Variants in AK4 observed in about 807,000 individuals in gnomAD.
AK4 encodes adenylate kinase 4, mitochondrial.
In AK4, 13 loss-of-function variants were observed where a neutral mutation model predicts 24.6. The ratio of observed to expected loss-of-function variants is 0.53; its 90% confidence interval spans 0.34 to 0.84. The LOEUF (loss-of-function observed/expected upper bound fraction) is 0.84. AK4 is among the 40% of genes least tolerant of loss of function. The pLI, the probability that AK4 is intolerant of heterozygous loss-of-function variation, is 0.01. For synonymous variants in AK4, 88 were observed against 107.0 expected, an observed-to-expected ratio of 0.82 and a Z score of 1.10; for missense variants, 192 against 288.2, an observed-to-expected ratio of 0.67 and a Z score of 2.42.
At chr1:65,206,241 T>G (rs1651809295) in intron 2 of AK4, among the ~76,000 whole-genome samples, 1 of 152,224 alleles carries the variant, frequency 6.6e-6, no homozygotes, top group African/African-American at 2.4e-5. Flanking sequence ...ATAACAGTGC[T>G]TGGCATATAG....
At chr1:65,214,948 TAG>T (rs1412714840) in intron 2 of AK4, among the ~76,000 whole-genome samples, 1 of 152,154 alleles carries the variant, frequency 6.6e-6, no homozygotes, top group Non-Finnish European at 1.5e-5. Context: ...TACTTAGAAG[TAG>T]AGTTAAGCCT....
rs4915685 is a variant in AK4, at chr1:65,224,778, G to A, written c.465G>A (p.Pro155=). The change falls in exon 4 of 5, where the codon CCG becomes CCA. Residue 155 remains proline (P), a synonymous_variant. Coordinates refer to ENST00000327299, the MANE Select transcript of AK4 (RefSeq NM_013410.4). ...VHGIDDVTGE[P]LVQQEDDKPE... is the part of the protein sequence containing the mutation. ...GTATTGATGACGTCACTGGTGAACC[G>A]TTAGTCCAGCAGGAGGATGATAAAC... The A allele has an allele frequency of 0.23, 372,360 of 1,607,434 alleles. 49,981 individuals carry two copies. Among genetic ancestry groups the A allele is most frequent in the East Asian group, 0.63 (28,166 of 44,804 alleles).
chr1:65,156,153 T>TTGAAAAGG (rs1159934220), intron 1 of AK4, among the ~76,000 whole-genome samples: 7 of 152,230 alleles, frequency 4.6e-5, no homozygotes, highest in Non-Finnish European at 1.0e-4. Flanking sequence ...ATTTTTACTT[T>TTGAAAAGG]TGAAAAGGTA....
intron 2 of AK4, among the ~76,000 whole-genome samples, chr1:65,206,145 T>A (rs1416216731): frequency 2.6e-5 from 4 of 152,170 alleles, no homozygotes; most frequent in African/African-American, 9.7e-5. Flanking sequence ...CGATTTTCCA[T>A]TCCTCCCCTA....
chr1:65,187,629 C>T (rs77780003), intron 1 of AK4, among the ~76,000 whole-genome samples: 2,135 of 152,218 alleles, frequency 0.014, 53 homozygotes, highest in African/African-American at 0.049. Flanking sequence ...GCTGGGATTA[C>T]CTTCTATCTG....
intron 1 of AK4, among the ~76,000 whole-genome samples, chr1:65,164,238 A>G (rs1201835486): frequency 1.3e-5 from 2 of 152,192 alleles, no homozygotes; most frequent in Non-Finnish European, 2.9e-5. Flanking sequence ...AGTTTGGCCT[A>G]CACCCAGGAA....
intron 1 of AK4, among the ~76,000 whole-genome samples, chr1:65,168,914 G>T (rs1466506624): frequency 6.6e-6 from 1 of 152,166 alleles, no homozygotes; most frequent in East Asian, 1.9e-4. Flanking sequence ...GTGGCCCATG[G>T]CTGTAATCCC....
intron 1 of AK4, among the ~76,000 whole-genome samples, chr1:65,154,323 G>A (rs1463281220): frequency 1.3e-5 from 2 of 152,356 alleles, no homozygotes; most frequent in East Asian, 3.9e-4. Flanking sequence ...CTGCCTGGGT[G>A]AATGTGCTAT....
At chr1:65,164,023 A>G (rs867534427) in intron 1 of AK4, among the ~76,000 whole-genome samples, 1 of 152,170 alleles carries the variant, frequency 6.6e-6, no homozygotes, top group African/African-American at 2.4e-5. Context: ...GAGTGATGTT[A>G]TCCCCAGGAG....
chr1:65,207,637 A>G (rs1468836195), intron 2 of AK4, among the ~76,000 whole-genome samples: 2 of 151,642 alleles, frequency 1.3e-5, no homozygotes, highest in Non-Finnish European at 2.9e-5. Context: ...TTTCGTGTAC[A>G]GATGATCCTG....
chr1:65,172,403 G>A (rs1314081164), intron 1 of AK4, among the ~76,000 whole-genome samples: 4 of 151,952 alleles, frequency 2.6e-5, no homozygotes, highest in African/African-American at 4.8e-5. Flanking sequence ...ATATATGCCT[G>A]CTTTGTTTTC....
intron 1 of AK4, among the ~76,000 whole-genome samples, chr1:65,172,335 G>A (rs78513227): frequency 0.037 from 5,640 of 151,670 alleles, 190 homozygotes; most frequent in East Asian, 0.15. Context: ...TTCTTGTCTC[G>A]AATATGTCAC....
chr1:65,148,047 T>A (rs7550994), upstream of AK4: 52,901 of 192,548 alleles, frequency 0.27, 13,669 homozygotes, highest in African/African-American at 0.72. Context: ...GAGCTGGAGT[T>A]AAGGATGAAG....
intron 1 of AK4, among the ~76,000 whole-genome samples, chr1:65,170,664 C>T (rs72677679): frequency 0.029 from 4,435 of 152,222 alleles, 76 homozygotes; most frequent in East Asian, 0.08. Context: ...TTCTAAGTGA[C>T]GGGAGCCAGG....
chr1:65,159,497 A>G (rs1650084523), intron 1 of AK4, among the ~76,000 whole-genome samples: 1 of 151,998 alleles, frequency 6.6e-6, no homozygotes, highest in Non-Finnish European at 1.5e-5. Flanking sequence ...TCTCTACAAA[A>G]AATAAACAGA....
chr1:65,209,823 TTGAGA>T (rs1345003227), intron 2 of AK4, among the ~76,000 whole-genome samples: 2 of 152,196 alleles, frequency 1.3e-5, no homozygotes, highest in Non-Finnish European at 2.9e-5. Flanking sequence ...TTTTCTTTTT[TTGAGA>T]TAAGAGTCTT....
chr1:65,180,467 T>C (rs1367499946), intron 1 of AK4, among the ~76,000 whole-genome samples: 1 of 152,224 alleles, frequency 6.6e-6, no homozygotes, highest in African/African-American at 2.4e-5. Flanking sequence ...AGGTGGATAC[T>C]GGATGTCTGA....
chr1:65,172,063 G>GTGTGTATATATATA (rs1433940516), intron 1 of AK4, among the ~76,000 whole-genome samples: 1 of 65,746 alleles, frequency 1.5e-5, no homozygotes, highest in Non-Finnish European at 3.9e-5. Flanking sequence ...TCCATCTCAA[G>GTGTGTATATATATA]TATATATATA....
intron 2 of AK4, among the ~76,000 whole-genome samples, chr1:65,205,141 A>T (rs955771661): frequency 6.6e-6 from 1 of 152,110 alleles, no homozygotes; most frequent in African/African-American, 2.4e-5. Flanking sequence ...CTAATTTTTT[A>T]AAATTAGCTA....
Sources: allele counts gnomAD v4.1 joint callset (sites outside exome capture counted in the v4.1 genomes callset), GRCh38; gene constraint gnomAD v4.1.1; transcripts MANE v1.5; gene names NCBI Gene and HGNC (gene_info 2026-07-23, HGNC 2026-07-21).